The following GABRB1 variants were observed in gnomAD, a reference collection of about 807,000 sequenced individuals.
GABRB1 encodes the protein gamma-aminobutyric acid receptor subunit beta-1.
In GABRB1, 17 loss-of-function variants were observed where a neutral mutation model predicts 51.6. The ratio of observed to expected loss-of-function variants is 0.33; its 90% confidence interval spans 0.23 to 0.49. The LOEUF is 0.49. Ranked by LOEUF, GABRB1 falls within the 20% of genes least tolerant of loss-of-function variation. GABRB1 has a pLI of 0.99. For synonymous variants in GABRB1, 247 were observed against 218.9 expected (o/e 1.13, Z -1.14); for missense variants, 410 against 600.6 (o/e 0.68, Z 3.32).
At chr4:47,391,034 G>C (rs1341689311) in intron 5 of GABRB1, among the ~76,000 whole-genome samples, 2 of 152,050 alleles carry the variant, frequency 1.3e-5, no homozygotes, top group Non-Finnish European at 2.9e-5. Context: ...AAATTAGCAG[G>C]GTGTGGTGGC....
intron 4 of GABRB1, among the ~76,000 whole-genome samples, chr4:47,195,441 T>G (rs1264880149): frequency 9.0e-6 from 1 of 110,952 alleles, no homozygotes; most frequent in Admixed American, 9.4e-5. Context: ...GATAGATAGA[T>G]AGATGATAGA....
chr4:47,159,989 T>A (rs1717867773), intron 3 of GABRB1, among the ~76,000 whole-genome samples: 1 of 152,108 alleles, frequency 6.6e-6, no homozygotes, highest in Non-Finnish European at 1.5e-5. Flanking sequence ...TATCAAAGAC[T>A]TTAGGATTTT....
At chr4:47,202,574 C>G (rs1719937373) in intron 4 of GABRB1, among the ~76,000 whole-genome samples, 1 of 152,020 alleles carries the variant, frequency 6.6e-6, no homozygotes, top group South Asian at 2.1e-4. Flanking sequence ...TTTTAGTAGT[C>G]AACTGGTTCC....
intron 5 of GABRB1, among the ~76,000 whole-genome samples, chr4:47,390,350 C>A (rs535110045): frequency 6.6e-6 from 1 of 152,344 alleles, no homozygotes; most frequent in South Asian, 2.1e-4. Context: ...GGATTAGAAG[C>A]TTAAATGTCT....
At chr4:47,375,068 G>C (rs1056810029) in intron 5 of GABRB1, among the ~76,000 whole-genome samples, 2 of 152,204 alleles carry the variant, frequency 1.3e-5, no homozygotes, top group African/African-American at 4.8e-5. Flanking sequence ...CCACAATGGT[G>C]TGCATTATTG....
At chr4:47,146,187 A>AT (rs1368255642) in intron 3 of GABRB1, among the ~76,000 whole-genome samples, 3 of 152,054 alleles carry the variant, frequency 2.0e-5, no homozygotes, top group Non-Finnish European at 4.4e-5. Flanking sequence ...CAGAATTTAC[A>AT]TTTTTTAAAA....
intron 4 of GABRB1, among the ~76,000 whole-genome samples, chr4:47,258,797 A>T (rs570154315): frequency 6.6e-6 from 1 of 152,320 alleles, no homozygotes; most frequent in Admixed American, 6.5e-5. Context: ...ATTTTCCTAA[A>T]AAGTGTCTCA....
At chr4:47,233,650 C>T (rs1371010790) in intron 4 of GABRB1, among the ~76,000 whole-genome samples, 5 of 152,274 alleles carry the variant, frequency 3.3e-5, no homozygotes, top group Middle Eastern at 3.4e-3. Flanking sequence ...AACTGTACTG[C>T]AATTTCTCCA....
intron 8 of GABRB1, 37 bp from the exon 9 acceptor site, chr4:47,425,637 T>C (rs1729255559): frequency 6.6e-7 from 1 of 1,504,620 alleles, no homozygotes; most frequent in Non-Finnish European, 9.0e-7. Context: ...GCAAAGGTCC[T>C]GCAACTTGTG....
chr4:47,117,177 G>T (rs960705907), intron 3 of GABRB1, among the ~76,000 whole-genome samples: 7 of 152,128 alleles, frequency 4.6e-5, no homozygotes, highest in Non-Finnish European at 8.8e-5. Flanking sequence ...AGCCATTAAA[G>T]ATTTTTATCT....
intron 3 of GABRB1, among the ~76,000 whole-genome samples, chr4:47,047,850 A>G: frequency 6.6e-6 from 1 of 152,166 alleles, no homozygotes; most frequent in South Asian, 2.1e-4. Flanking sequence ...CCTCTGAGAC[A>G]ATCTTAACTT....
intron 4 of GABRB1, among the ~76,000 whole-genome samples, chr4:47,239,595 G>A (rs148228680): frequency 1.3e-5 from 2 of 152,288 alleles, no homozygotes; most frequent in African/African-American, 2.4e-5. Context: ...ACTGCTACGA[G>A]AAACAGAACT....
chr4:47,018,494 C>A (rs988613268), intron 1 of GABRB1, among the ~76,000 whole-genome samples: 9 of 152,116 alleles, frequency 5.9e-5, no homozygotes, highest in Non-Finnish European at 8.8e-5. Flanking sequence ...ATGTAGTTGA[C>A]CTTTTTACAA....
At position 47,395,152 on chromosome 4, in the gene GABRB1, G is replaced by A. The variant is rs150847998; in HGVS notation, c.545-8166G>A. Among the ~76,000 whole-genome samples, 503 of 152,264 alleles carry A rather than the reference G, an allele frequency of 3.3e-3. 6 individuals carry two copies. The highest frequency in any genetic ancestry group is 0.011 in the African/African-American group (449 of 41,558). On this transcript the variant is annotated intron_variant, in intron 5 of 8. Coordinates refer to ENST00000295454, the MANE Select transcript of GABRB1 (RefSeq NM_000812.4). Reference sequence around the variant, plus strand: ...ACAACTGGTGATCCACTACCTCCCTGTATTAGTTTGTTCTCACACTGCTAT... The same window carrying A: ...ACAACTGGTGATCCACTACCTCCCTATATTAGTTTGTTCTCACACTGCTAT...
At chr4:47,212,285 A>G (rs1720388591) in intron 4 of GABRB1, among the ~76,000 whole-genome samples, 1 of 152,180 alleles carries the variant, frequency 6.6e-6, no homozygotes, top group African/African-American at 2.4e-5. Flanking sequence ...ACCAGTAGCC[A>G]CAGCGGGAGG....
intron 5 of GABRB1, among the ~76,000 whole-genome samples, chr4:47,381,779 C>A (rs765491137): frequency 6.6e-6 from 1 of 152,152 alleles, no homozygotes; most frequent in Non-Finnish European, 1.5e-5. Flanking sequence ...CCCTGAAGTG[C>A]CTTTAACTAG....
intron 8 of GABRB1, among the ~76,000 whole-genome samples, chr4:47,410,015 G>A (rs1013786988): frequency 5.9e-5 from 9 of 152,294 alleles, no homozygotes; most frequent in African/African-American, 2.2e-4. Flanking sequence ...CAGGCTGTTT[G>A]AGTAACATTG....
In GABRB1 at chr4:47,354,903, A is replaced by ACCTG. The variant is rs55735490; in HGVS notation, c.544+34730_544+34733dup. 1.6e-3 allele frequency among the ~76,000 whole-genome samples: 207 copies of ACCTG among 128,646 alleles called. 1 individual carries two copies. Among genetic ancestry groups the ACCTG allele is most frequent in the Middle Eastern group, 4.0e-3 (1 of 250 alleles). 84.4% of individuals were successfully genotyped at this position (128,646 alleles called of 152,430 possible). ...ACCCCCTGCTTTTGAAGGCCTTCCTACCTGCCTGCCTGCCTGCCTGCCTGC... is the reference window on the plus strand; with the variant it reads ...ACCCCCTGCTTTTGAAGGCCTTCCTACCTGCCTGCCTGCCTGCCTGCCTGCCTGC... On this transcript the variant is annotated intron_variant, in intron 5 of 8. Coordinates refer to ENST00000295454, the MANE Select transcript of GABRB1 (RefSeq NM_000812.4).
Position 47,182,432 on chromosome 4 carries a change from G to A in GABRB1, c.461+20963G>A, listed in dbSNP as rs1718990135. 2.6e-5 allele frequency among the ~76,000 whole-genome samples: 4 copies of A among 152,060 alleles called. No homozygotes were observed. The South Asian group carries it at 8.3e-4, about 32-fold the overall frequency. On this transcript the variant is annotated intron_variant, in intron 4 of 8. Transcript: ENST00000295454. ...AGCAAATGATCCATGAGAATCTCATGTTTACCAAGTGGTAGATCTTCCTTG... is the reference window on the plus strand; with the variant it reads ...AGCAAATGATCCATGAGAATCTCATATTTACCAAGTGGTAGATCTTCCTTG...
Sources: gnomAD v4.1 joint callset for allele counts (sites outside exome capture counted in the v4.1 genomes callset) on GRCh38, gnomAD v4.1.1 for gene constraint, MANE v1.5 for transcripts, NCBI Gene and HGNC (gene_info 2026-07-23, HGNC 2026-07-21) for gene names.